Variants in PSD3 observed in about 807,000 individuals in gnomAD.
The protein encoded by PSD3 is PH and SEC7 domain-containing protein 3.
PSD3 carries 49 observed loss-of-function variants against 105.5 expected under a neutral mutation model. That is an observed-to-expected ratio of 0.46 (90% CI 0.37 to 0.59). The LOEUF (loss-of-function observed/expected upper bound fraction) is 0.59. PSD3 is among the 20% of genes least tolerant of loss of function. The pLI is 0.00. For missense variants in PSD3, 1,561 were observed against 1,263.8 expected (o/e 1.24, Z -3.57); for synonymous variants, 557 against 457.8 (o/e 1.22, Z -2.77).
At chr8:18,754,361 G>A (rs1027838772) in intron 9 of PSD3, among the ~76,000 whole-genome samples, 3 of 152,128 alleles carry the variant, frequency 2.0e-5, no homozygotes, top group Non-Finnish European at 4.4e-5. Context: ...TCCAGCCTGG[G>A]CGACAGGGTG....
At chr8:18,964,595 A>G (rs893161541) in intron 1 of PSD3, among the ~76,000 whole-genome samples, 2 of 152,044 alleles carry the variant, frequency 1.3e-5, no homozygotes, top group Non-Finnish European at 2.9e-5. Flanking sequence ...GTGTGGTCTC[A>G]TGAACAACCA....
Position 18,531,469 on chromosome 8 carries a change from C to CCGT in PSD3, c.*4273_*4274insACG, listed in dbSNP as rs72589245. The CCGT allele has an allele frequency of 6.6e-6, 1 of 152,048 alleles. No individual in the cohort carries two copies. The highest frequency in any genetic ancestry group is 1.5e-5 in the Non-Finnish European group (1 of 67,986). The allele number at this position is 152,048 out of a possible 1,614,324, so 9.4% of individuals were successfully genotyped here. A position where few individuals can be genotyped will look rare whatever the true frequency, so the allele number is the denominator to read the frequency against. On this transcript the variant is annotated 3_prime_UTR_variant, in exon 16 of 16. Transcript: ENST00000327040. ...TCTGAGAGAAAAATCAGTGACAAAGCCCCTCTCTATTGCTATCAATAATCT... is the reference window on the plus strand; with the variant it reads ...TCTGAGAGAAAAATCAGTGACAAAGCCGTCCCTCTCTATTGCTATCAATAATCT...
rs1417072510 is a variant in PSD3, at chr8:18,867,679, C to G, written c.1629G>C (p.Trp543Cys). Reference sequence around the variant, plus strand: ...AATGAGAATGGGACGAGTACCTTCCCCAGAAAGCAATCTCCGGGGTGCCTT... The same window carrying G: ...AATGAGAATGGGACGAGTACCTTCCGCAGAAAGCAATCTCCGGGGTGCCTT... ...YTKGTPEIAF[W>C]GSNAGVKTTR... The change falls in exon 4 of 16, where the codon TGG (tryptophan) becomes TGC (cysteine). Residue 543 changes from tryptophan (W) to cysteine (C), a missense_variant. Coordinates refer to ENST00000327040, the MANE Select transcript of PSD3 (RefSeq NM_015310.4). The G allele has an allele frequency of 6.2e-7, 1 of 1,608,342 alleles. No homozygotes were observed. Among genetic ancestry groups the G allele is most frequent in the Non-Finnish European group, 8.5e-7 (1 of 1,176,376 alleles).
intron 8 of PSD3, 179 bp downstream of exon 8, chr8:18,799,116 T>C (rs1810454939): frequency 5.2e-6 from 3 of 575,392 alleles, no homozygotes; most frequent in Admixed American, 6.0e-5. Context: ...AGTCATACTC[T>C]GTGCTAGCAT....
At chr8:18,687,881 C>A (rs115491511) in intron 9 of PSD3, among the ~76,000 whole-genome samples, 2,371 of 152,200 alleles carry the variant, frequency 0.016, 53 homozygotes, top group East Asian at 0.039. Context: ...ATTCTCCCTG[C>A]GTCAGCCTCT....
In PSD3 at chr8:18,806,661, T is replaced by A. The variant is rs184155098; in HGVS notation, c.1635-1763A>T. ...TGTCACACATGCTGCTTTGTTGTTG[T>A]TGTTTTGTTACAACCTTAAAAAACC... On this transcript the variant is annotated intron_variant, in intron 4 of 15. Coordinates refer to ENST00000327040, the MANE Select transcript of PSD3 (RefSeq NM_015310.4). Among the ~76,000 whole-genome samples the A allele has an allele frequency of 2.5e-4, 38 of 152,354 alleles. No homozygotes were observed. The East Asian group carries it at 6.9e-3, about 28-fold the overall frequency.
chr8:18,898,898 C>T (rs532214150), intron 2 of PSD3, among the ~76,000 whole-genome samples: 1 of 152,236 alleles, frequency 6.6e-6, no homozygotes, highest in East Asian at 1.9e-4. Context: ...GAGAGGCAGG[C>T]ACATTCAGTG....
intron 2 of PSD3, among the ~76,000 whole-genome samples, chr8:18,929,595 A>G (rs969809656): frequency 2.0e-5 from 3 of 152,076 alleles, no homozygotes; most frequent in African/African-American, 7.2e-5. Flanking sequence ...CCTCTTCTAT[A>G]TGAAGGGAAG....
At chr8:18,600,591 G>A (rs1033915060) in intron 11 of PSD3, among the ~76,000 whole-genome samples, 157 bp from the exon 12 acceptor site, 1 of 152,102 alleles carries the variant, frequency 6.6e-6, no homozygotes, top group African/African-American at 2.4e-5. Flanking sequence ...TGGTGTACCA[G>A]GCGGCATTCT....
chr8:18,943,523 CA>C (rs1201528380), intron 1 of PSD3, among the ~76,000 whole-genome samples: 1 of 152,046 alleles, frequency 6.6e-6, no homozygotes, highest in Admixed American at 6.5e-5. Flanking sequence ...AGGAAAAGAA[CA>C]ATTCAATGCA....
intron 6 of PSD3, among the ~76,000 whole-genome samples, chr8:18,803,496 T>C (rs537024234): frequency 6.6e-6 from 1 of 150,980 alleles, no homozygotes; most frequent in East Asian, 2.0e-4. Flanking sequence ...ATTTGTCCAC[T>C]CATGTTCACA....
rs547721527 is a variant in PSD3 at position 18,550,126 on chromosome 8, A to C, written c.2928+6083T>G. 3.3e-5 allele frequency among the ~76,000 whole-genome samples: 5 copies of C among 152,312 alleles called. 1 individual carries two copies. The South Asian group carries it at 1.0e-3, about 32-fold the overall frequency. The stretch of plus-strand genomic sequence containing the variant: ...TGACCCTTATCAGAGCAGGCATTTC[A>C]GTAAATGATTGATGAAGGAGGGATT... On this transcript the variant is annotated intron_variant, in intron 15 of 15. Transcript: ENST00000327040.
Position 18,611,654 on chromosome 8 carries a change from CAAAG to C in PSD3, c.2411-11224_2411-11221del, listed in dbSNP as rs759749248. The stretch of plus-strand genomic sequence containing the variant: ...TGCATCAAATTTTCATGCTAAAACA[CAAAG>C]AAAGACTTTTTTTCTCACTTCTGTG... On this transcript the variant is annotated intron_variant, in intron 11 of 15. Transcript: ENST00000327040. Among the ~76,000 whole-genome samples the C allele has an allele frequency of 3.9e-5, 6 of 152,034 alleles. No individual in the cohort carries two copies. In the South Asian group the frequency reaches 1.0e-3, roughly 26 times the overall value.
chr8:18,665,620 T>G (rs1799405496), intron 9 of PSD3, among the ~76,000 whole-genome samples: 1 of 152,226 alleles, frequency 6.6e-6, no homozygotes, highest in Non-Finnish European at 1.5e-5. Context: ...TGACTGCATT[T>G]CTGAATGAAG....
intron 1 of PSD3, among the ~76,000 whole-genome samples, chr8:18,969,070 G>T (rs967108856): frequency 6.6e-6 from 1 of 151,956 alleles, no homozygotes; most frequent in East Asian, 1.9e-4. Flanking sequence ...ACTATGAAAA[G>T]GAAAATATTC....
chr8:18,977,043 T>C (rs148746531), intron 1 of PSD3, among the ~76,000 whole-genome samples: 1 of 152,260 alleles, frequency 6.6e-6, no homozygotes, highest in East Asian at 1.9e-4. Context: ...GTGGATCATC[T>C]GAGGTCAGGA....
At chr8:18,887,541 C>T (rs1158506155) in intron 2 of PSD3, among the ~76,000 whole-genome samples, 1 of 152,064 alleles carries the variant, frequency 6.6e-6, no homozygotes, top group Non-Finnish European at 1.5e-5. Flanking sequence ...TAGGTTTATA[C>T]ATGAGAAAAG....
chr8:18,850,456 C>G (rs1339402749), intron 4 of PSD3, among the ~76,000 whole-genome samples: 1 of 152,144 alleles, frequency 6.6e-6, no homozygotes, highest in African/African-American at 2.4e-5. Flanking sequence ...AGATTATAGG[C>G]AAGACAATTT....
chr8:18,629,435 TCAAAA>T (rs1427175594), intron 11 of PSD3, among the ~76,000 whole-genome samples: 1 of 151,996 alleles, frequency 6.6e-6, no homozygotes, highest in Non-Finnish European at 1.5e-5. Flanking sequence ...TTATAACAGT[TCAAAA>T]CTGGAAACAA....
Sources: allele counts gnomAD v4.1 joint callset (sites outside exome capture counted in the v4.1 genomes callset), GRCh38; gene constraint gnomAD v4.1.1; transcripts MANE v1.5; gene names NCBI Gene and HGNC (gene_info 2026-07-23, HGNC 2026-07-21).